Variants in TMEM131 observed in about 807,000 individuals in gnomAD.
TMEM131 encodes 2610524E03Rik.
Under a neutral mutation model 211.6 loss-of-function variants are expected in TMEM131, and 66 were observed. The observed-to-expected ratio is 0.31, with a 90% confidence interval of 0.26 to 0.38. The LOEUF (loss-of-function observed/expected upper bound fraction) is 0.38. Among genes scored for constraint, TMEM131 ranks in the 10% least tolerant of loss-of-function variants. The pLI, the probability that TMEM131 is intolerant of heterozygous loss-of-function variation, is 1.00. For synonymous variants in TMEM131, 844 were observed against 841.3 expected (o/e 1.00, Z -0.06); for missense variants, 2,036 against 2,299.3 (o/e 0.89, Z 2.34).
intron 1 of TMEM131, among the ~76,000 whole-genome samples, chr2:97,932,141 T>TAAATAAAAA (rs1677249219): frequency 7.4e-6 from 1 of 135,072 alleles, no homozygotes; most frequent in Non-Finnish European, 1.6e-5. Flanking sequence ...GACCCTGTCT[T>TAAATAAAAA]AAAAAAAAAA....
intron 4 of TMEM131, among the ~76,000 whole-genome samples, chr2:97,880,489 A>G (rs1674880767): frequency 6.6e-6 from 1 of 152,176 alleles, no homozygotes; most frequent in African/African-American, 2.4e-5. Flanking sequence ...GTAAGTAGTG[A>G]GGATTAGAGC....
chr2:97,863,063 A>C (rs952008732), intron 4 of TMEM131, among the ~76,000 whole-genome samples: 3 of 152,240 alleles, frequency 2.0e-5, no homozygotes, highest in African/African-American at 7.2e-5. Context: ...CTTACAGGCC[A>C]GGAGAGACTG....
At chr2:97,776,662 T>C (rs1343923470) in intron 31 of TMEM131, among the ~76,000 whole-genome samples, 1 of 152,188 alleles carries the variant, frequency 6.6e-6, no homozygotes, top group Non-Finnish European at 1.5e-5. Context: ...GATAGAGCTT[T>C]GAAAAGTTAC....
intron 11 of TMEM131, among the ~76,000 whole-genome samples, chr2:97,828,726 T>C (rs1386169422): frequency 3.9e-5 from 6 of 152,202 alleles, no homozygotes; most frequent in Non-Finnish European, 8.8e-5. Context: ...CACTAACCAG[T>C]CAGGGATACT....
rs767087248 is a variant in TMEM131, at chr2:97,796,830, T to G, written c.3013+14A>C. 1 of 1,608,886 alleles carries G rather than the reference T, an allele frequency of 6.2e-7. No homozygotes were observed. The highest frequency in any genetic ancestry group is 1.1e-5 in the South Asian group (1 of 89,900). On this transcript the variant is annotated intron_variant, in intron 27 of 40. Transcript: ENST00000186436. ...GCTGAAATTAGTGTCCTTGAAACTG[T>G]TAGGAAGACTTACTATCTGTACAAT...
At chr2:97,766,354 C>A (rs1573324588) in intron 34 of TMEM131, 91 bp from the exon 35 acceptor site, 2 of 1,598,776 alleles carry the variant, frequency 1.3e-6, no homozygotes, top group East Asian at 4.5e-5. Flanking sequence ...AGGACAAGAA[C>A]ACAGCCTTAG....
chr2:97,816,426 T>C (rs1279611453), intron 12 of TMEM131, among the ~76,000 whole-genome samples: 4 of 152,202 alleles, frequency 2.6e-5, no homozygotes, highest in African/African-American at 9.7e-5. Context: ...ACCCATTAGA[T>C]GGTTCTTTTC....
At chr2:97,814,211 A>C in intron 14 of TMEM131, 24 bp downstream of exon 14, 1 of 1,610,752 alleles carries the variant, frequency 6.2e-7, no homozygotes, top group Non-Finnish European at 8.5e-7. Context: ...GGAAAATTAA[A>C]AGTATGAGGG....
intron 3 of TMEM131, among the ~76,000 whole-genome samples, chr2:97,904,467 T>C (rs1675987173): frequency 6.6e-6 from 1 of 152,128 alleles, no homozygotes; most frequent in Non-Finnish European, 1.5e-5. Context: ...CAAGAAGATA[T>C]AAGAATTATT....
intron 1 of TMEM131, among the ~76,000 whole-genome samples, chr2:97,967,548 A>G (rs1187385396): frequency 1.3e-5 from 2 of 152,208 alleles, no homozygotes; most frequent in Non-Finnish European, 2.9e-5. Context: ...TCACATGGAA[A>G]TAAGAAATTT....
intron 2 of TMEM131, among the ~76,000 whole-genome samples, chr2:97,918,075 C>G (rs889927529): frequency 6.6e-6 from 1 of 151,986 alleles, no homozygotes; most frequent in Non-Finnish European, 1.5e-5. Context: ...TCCCGAGTAG[C>G]TGGGACTACA....
intron 31 of TMEM131, among the ~76,000 whole-genome samples, chr2:97,790,982 T>C (rs1332860427): frequency 3.9e-5 from 6 of 152,200 alleles, no homozygotes; most frequent in African/African-American, 1.2e-4. Flanking sequence ...TCTGGCCTCT[T>C]AGGGCTGCCA....
chr2:97,904,823 T>C (rs532238017), intron 3 of TMEM131, among the ~76,000 whole-genome samples: 1 of 152,132 alleles, frequency 6.6e-6, no homozygotes, highest in Non-Finnish European at 1.5e-5. Context: ...ATTTTAATGT[T>C]TCGTGTGGGG....
At chr2:97,949,428 A>G (rs1204190898) in intron 1 of TMEM131, among the ~76,000 whole-genome samples, 1 of 152,210 alleles carries the variant, frequency 6.6e-6, no homozygotes, top group Non-Finnish European at 1.5e-5. Context: ...AATCTTCACT[A>G]TGGTAATAGT....
At chr2:97,797,239 G>A (rs1573375589) in intron 26 of TMEM131, 126 bp downstream of exon 26, 2 of 968,758 alleles carry the variant, frequency 2.1e-6, no homozygotes, top group Non-Finnish European at 3.1e-6. Flanking sequence ...CATGGAGTGT[G>A]TGCATGTTTT....
At chr2:97,876,725 A>G (rs192277266) in intron 4 of TMEM131, among the ~76,000 whole-genome samples, 2 of 152,356 alleles carry the variant, frequency 1.3e-5, no homozygotes, top group African/African-American at 4.8e-5. Context: ...GCTATTTATG[A>G]CAAACCCATA....
intron 3 of TMEM131, among the ~76,000 whole-genome samples, chr2:97,895,478 G>A (rs553533370): frequency 6.6e-6 from 1 of 152,222 alleles, no homozygotes; most frequent in South Asian, 2.1e-4. Context: ...GTTGAATTTG[G>A]TTGTGAATCT....
At chr2:97,887,987 C>A in intron 4 of TMEM131, 65 bp downstream of exon 4, 3 of 1,286,048 alleles carry the variant, frequency 2.3e-6, no homozygotes, top group Non-Finnish European at 3.3e-6. Context: ...AAAGACAAGA[C>A]AAATGCATGT....
At chr2:97,850,491 C>G (rs900775172) in intron 5 of TMEM131, among the ~76,000 whole-genome samples, 1 of 152,088 alleles carries the variant, frequency 6.6e-6, no homozygotes, top group Non-Finnish European at 1.5e-5. Context: ...CCAGTGCCAT[C>G]CTCTCTGGAA....
Sources: allele counts gnomAD v4.1 joint callset (sites outside exome capture counted in the v4.1 genomes callset), GRCh38; gene constraint gnomAD v4.1.1; transcripts MANE v1.5; gene names NCBI Gene and HGNC (gene_info 2026-07-23, HGNC 2026-07-21).